MOB1A: variants seen among roughly 807,000 people sequenced by gnomAD.
The protein encoded by MOB1A is MOB kinase activator 1A.
A neutral mutation model predicts 25.1 loss-of-function variants in MOB1A; 10 were observed. The observed-to-expected ratio is 0.40, with a 90% CI of 0.25 to 0.68. The LOEUF is 0.68. Among genes scored for constraint, MOB1A ranks in the 30% least tolerant of loss-of-function variants. The probability of loss-of-function intolerance (pLI) is 0.40; values close to 1 mark genes in which losing one functional copy is unlikely to be tolerated. For missense variants in MOB1A, 177 were observed against 256.3 expected (o/e 0.69, Z 2.11); for synonymous variants, 81 against 79.5 (o/e 1.02, Z -0.10).
At chr2:74,177,734 T>C (rs1382012138) in intron 1 of MOB1A, among the ~76,000 whole-genome samples, 1 of 152,182 alleles carries the variant, frequency 6.6e-6, no homozygotes, top group Non-Finnish European at 1.5e-5. Flanking sequence ...GTGGATTACA[T>C]CCATAACTAA....
At chr2:74,159,564 G>A (rs906151357) in intron 4 of MOB1A, among the ~76,000 whole-genome samples, 6 of 152,050 alleles carry the variant, frequency 3.9e-5, no homozygotes, top group Non-Finnish European at 5.9e-5. Context: ...TAGGATTACA[G>A]GCATGCCCAG....
chr2:74,167,307 G>A (rs1400958148), intron 2 of MOB1A, among the ~76,000 whole-genome samples, 200 bp from the exon 3 acceptor site: 1 of 151,980 alleles, frequency 6.6e-6, no homozygotes, highest in African/African-American at 2.4e-5. Context: ...CCAGGCTGGT[G>A]CAATCTTGGC....
Position 74,172,719 on chromosome 2 carries a change from CT to C in MOB1A, c.47del (p.Lys16ArgfsTer14). Reference protein sequence around the residue: ...SSRSSKTFKPKKNIPEGSHQY... With the variant: ...SSRSSKTFKPXKNIPEGSHQY... The stretch of plus-strand genomic sequence containing the variant: ...GATGAGATCCTTCAGGGATATTCTT[CT>C]TTGGTTTGAATGTTTTAGAAGAGCG... On this transcript the variant is annotated frameshift_variant, in exon 2 of 6. Coordinates refer to ENST00000396049, the MANE Select transcript of MOB1A (RefSeq NM_018221.5). LOFTEE classifies it high-confidence loss of function. The C allele has an allele frequency of 6.2e-7, 1 of 1,613,680 alleles. No homozygotes were observed. Among genetic ancestry groups the C allele is most frequent in the Non-Finnish European group, 8.5e-7 (1 of 1,179,830 alleles).
intron 4 of MOB1A, among the ~76,000 whole-genome samples, chr2:74,161,355 G>A (rs1692966412): frequency 6.6e-6 from 1 of 152,176 alleles, no homozygotes; most frequent in Non-Finnish European, 1.5e-5. Context: ...TGAAAAAGCA[G>A]ATTTCTGGCC....
chr2:74,161,593 G>A (rs1692974235), intron 4 of MOB1A, among the ~76,000 whole-genome samples: 1 of 149,842 alleles, frequency 6.7e-6, no homozygotes, highest in Non-Finnish European at 1.5e-5. Context: ...AGCTTGCAGT[G>A]TGCTGAGATC....
intron 1 of MOB1A, 109 bp downstream of exon 1, chr2:74,178,552 A>ACCCCGCCCCCGCCTCGG (rs1693544888): frequency 1.3e-6 from 1 of 767,060 alleles, no homozygotes; most frequent in Non-Finnish European, 1.8e-6. Flanking sequence ...AACGCCAGCT[A>ACCCCGCCCCCGCCTCGG]CCCCGCCCCC....
intron 4 of MOB1A, chr2:74,164,877 A>T (rs1424988792): frequency 6.4e-6 from 1 of 156,130 alleles, no homozygotes; most frequent in African/African-American, 2.4e-5. Flanking sequence ...AGAAAATATT[A>T]AAAAATGAGT....
At chr2:74,168,267 G>A (rs1693187203) in intron 2 of MOB1A, among the ~76,000 whole-genome samples, 2 of 152,196 alleles carry the variant, frequency 1.3e-5, no homozygotes, top group African/African-American at 4.8e-5. Flanking sequence ...GGGAGCTTCA[G>A]CTAGATCCAG....
intron 5 of MOB1A, among the ~76,000 whole-genome samples, chr2:74,158,609 T>C (rs1391631142): frequency 6.6e-6 from 1 of 151,888 alleles, no homozygotes; most frequent in African/African-American, 2.4e-5. Context: ...GGAAACCCCG[T>C]CTCTACTAAA....
At chr2:74,176,074 C>T (rs892175254) in intron 1 of MOB1A, among the ~76,000 whole-genome samples, 20 of 131,778 alleles carry the variant, frequency 1.5e-4, no homozygotes, top group African/African-American at 5.0e-4. Context: ...AGTGAAACCC[C>T]GCCTCTACTA....
chr2:74,178,417 G>A (rs1167653931), intron 1 of MOB1A: 2 of 334,588 alleles, frequency 6.0e-6, no homozygotes, highest in Admixed American at 9.7e-5. Context: ...GTTTGGAGGC[G>A]CGACGGCCCC....
At chr2:74,163,741 A>G (rs1360829595) in intron 4 of MOB1A, among the ~76,000 whole-genome samples, 1 of 152,220 alleles carries the variant, frequency 6.6e-6, no homozygotes, top group Non-Finnish European at 1.5e-5. Flanking sequence ...AATCCCTAGA[A>G]TAAAATTAAG....
intron 3 of MOB1A, among the ~76,000 whole-genome samples, chr2:74,166,005 T>C (rs1693120006): frequency 6.6e-6 from 1 of 152,122 alleles, no homozygotes; most frequent in Non-Finnish European, 1.5e-5. Flanking sequence ...ATTAGGGATC[T>C]TTTTTCCTTT....
intron 4 of MOB1A, among the ~76,000 whole-genome samples, chr2:74,163,124 G>A (rs918882411): frequency 6.6e-6 from 1 of 152,148 alleles, no homozygotes; most frequent in African/African-American, 2.4e-5. Flanking sequence ...GGCAAGAAAC[G>A]GATGTCTGCC....
At chr2:74,160,249 T>C (rs1352570086) in intron 4 of MOB1A, among the ~76,000 whole-genome samples, 1 of 152,062 alleles carries the variant, frequency 6.6e-6, no homozygotes, top group African/African-American at 2.4e-5. Flanking sequence ...TGAGAGGCCG[T>C]AGTGGACAGA....
chr2:74,164,890 T>C (rs1041635642), intron 4 of MOB1A: 1 of 161,792 alleles, frequency 6.2e-6, no homozygotes, highest in Non-Finnish European at 1.3e-5. Context: ...AAATGAGTAA[T>C]AACCAGTGTT....
chr2:74,163,775 T>G (rs948583308), intron 4 of MOB1A, among the ~76,000 whole-genome samples: 4 of 152,112 alleles, frequency 2.6e-5, no homozygotes, highest in African/African-American at 9.7e-5. Flanking sequence ...TGACATAAAC[T>G]ACAGAATTTT....
chr2:74,176,966 A>C (rs967384804), intron 1 of MOB1A, among the ~76,000 whole-genome samples: 5 of 152,168 alleles, frequency 3.3e-5, no homozygotes, highest in Non-Finnish European at 5.9e-5. Flanking sequence ...ACATCCACGC[A>C]AAAACCTGTC....
intron 1 of MOB1A, among the ~76,000 whole-genome samples, chr2:74,173,376 GT>G (rs35382378): frequency 1.1e-3 from 107 of 93,332 alleles, no homozygotes; most frequent in African/African-American, 2.9e-3. Context: ...CTCAATTTCG[GT>G]TTTTTTTTTT....
Sources: gnomAD v4.1 joint callset for allele counts (sites outside exome capture counted in the v4.1 genomes callset) on GRCh38, gnomAD v4.1.1 for gene constraint, MANE v1.5 for transcripts, NCBI Gene and HGNC (gene_info 2026-07-23, HGNC 2026-07-21) for gene names.